PIK3C3: variants seen among roughly 807,000 people sequenced by gnomAD.
PIK3C3 encodes phosphatidylinositol 3-kinase catalytic subunit type 3.
A neutral mutation model predicts 126.1 loss-of-function variants in PIK3C3; 95 were observed. The observed-to-expected ratio is 0.75, with a 90% CI of 0.64 to 0.89. The LOEUF (loss-of-function observed/expected upper bound fraction) is 0.89, where lower values mean the gene tolerates loss of function less well. Ranked by LOEUF, PIK3C3 falls within the 40% of genes least tolerant of loss-of-function variation. PIK3C3 has a pLI of 0.00. For missense variants in PIK3C3, 829 were observed against 1,063.2 expected (o/e 0.78, Z 3.06); for synonymous variants, 374 against 360.0 (o/e 1.04, Z -0.44).
chr18:41,993,972 G>A (rs930526372), intron 7 of PIK3C3, among the ~76,000 whole-genome samples: 6 of 152,204 alleles, frequency 3.9e-5, no homozygotes, highest in Admixed American at 2.6e-4. Context: ...TTAGCAGCAC[G>A]ATAGTTACCA....
chr18:41,970,699 C>T (rs1013989897), intron 4 of PIK3C3: 2 of 595,324 alleles, frequency 3.4e-6, no homozygotes. Flanking sequence ...AGAATTTTTT[C>T]ATCACCCCTA....
chr18:42,036,929 A>G (rs1984080677), intron 16 of PIK3C3, among the ~76,000 whole-genome samples: 1 of 152,230 alleles, frequency 6.6e-6, no homozygotes, highest in African/African-American at 2.4e-5. Flanking sequence ...GTCATGCATT[A>G]CAGTCAAAAC....
At chr18:42,015,442 T>G (rs1983028708) in intron 11 of PIK3C3, 34 bp from the exon 12 acceptor site, 1 of 1,519,986 alleles carries the variant, frequency 6.6e-7, no homozygotes, top group Non-Finnish European at 9.1e-7. Context: ...CAGAGTATTT[T>G]ACATCTCAGT....
At chr18:42,056,557 C>T (rs931770005) in intron 21 of PIK3C3, among the ~76,000 whole-genome samples, 1 of 151,868 alleles carries the variant, frequency 6.6e-6, no homozygotes, top group Non-Finnish European at 1.5e-5. Flanking sequence ...TTAAATAAAA[C>T]CAAGGAAAAT....
At position 41,966,412 on chromosome 18, in the gene PIK3C3, C is replaced by T. The variant is rs984532184; in HGVS notation, c.401+3780C>T. Reference sequence around the variant, plus strand: ...CTTGAGCTCCTGACCTCAGCTGATCCGCCTGCCTCGCCCTCCCAAAGTGTT... The same window carrying T: ...CTTGAGCTCCTGACCTCAGCTGATCTGCCTGCCTCGCCCTCCCAAAGTGTT... On this transcript the variant is annotated intron_variant, in intron 3 of 24. Coordinates refer to ENST00000262039, the MANE Select transcript of PIK3C3 (RefSeq NM_002647.4). Among the ~76,000 whole-genome samples, 6 of 152,032 alleles carry T rather than the reference C, an allele frequency of 3.9e-5. No individual in the cohort carries two copies. The South Asian group carries it at 1.0e-3, about 26-fold the overall frequency.
At chr18:42,011,910 G>A (rs975784900) in intron 10 of PIK3C3, among the ~76,000 whole-genome samples, 1 of 152,066 alleles carries the variant, frequency 6.6e-6, no homozygotes, top group East Asian at 1.9e-4. Context: ...ACAGGGAAAC[G>A]GCTGGTTGTT....
chr18:42,044,943 G>A (rs867506485), intron 20 of PIK3C3, among the ~76,000 whole-genome samples: 1 of 152,080 alleles, frequency 6.6e-6, no homozygotes, highest in African/African-American at 2.4e-5. Flanking sequence ...ATTTAAACTT[G>A]CATATTATTT....
At chr18:42,025,104 G>A (rs980955919) in intron 13 of PIK3C3, among the ~76,000 whole-genome samples, 3 of 151,996 alleles carry the variant, frequency 2.0e-5, no homozygotes, top group Non-Finnish European at 4.4e-5. Flanking sequence ...GAGCCACCAC[G>A]CCCGGCCAAC....
chr18:42,069,355 A>G (rs1985680996), intron 24 of PIK3C3, among the ~76,000 whole-genome samples: 1 of 152,170 alleles, frequency 6.6e-6, no homozygotes, highest in African/African-American at 2.4e-5. Flanking sequence ...GTATAGGGGG[A>G]AAAAGGCCAG....
chr18:41,990,777 A>G (rs1173128080), intron 6 of PIK3C3, among the ~76,000 whole-genome samples: 1 of 152,214 alleles, frequency 6.6e-6, no homozygotes, highest in Non-Finnish European at 1.5e-5. Flanking sequence ...GAATTCAATA[A>G]GTATGCAAGT....
chr18:42,002,651 A>T (rs1982343052), intron 9 of PIK3C3, among the ~76,000 whole-genome samples: 1 of 152,204 alleles, frequency 6.6e-6, no homozygotes. Flanking sequence ...TCACTTAAGT[A>T]AATATTGGGT....
intron 1 of PIK3C3, among the ~76,000 whole-genome samples, chr18:41,957,134 A>G (rs1362704649): frequency 6.6e-6 from 1 of 152,186 alleles, no homozygotes; most frequent in Admixed American, 6.5e-5. Context: ...TGTATTGCTT[A>G]TCTTTTCTTT....
At chr18:42,062,320 A>G (rs1462627153) in intron 22 of PIK3C3, among the ~76,000 whole-genome samples, 1 of 151,258 alleles carries the variant, frequency 6.6e-6, no homozygotes, top group African/African-American at 2.4e-5. Flanking sequence ...CAAGTGGATC[A>G]TCTCTATTTC....
intron 3 of PIK3C3, among the ~76,000 whole-genome samples, chr18:41,967,173 T>C (rs1255533666): frequency 6.6e-6 from 1 of 152,170 alleles, no homozygotes; most frequent in Non-Finnish European, 1.5e-5. Context: ...TGAAAGATGA[T>C]GTTCAGGATG....
rs1405290077 is a variant in PIK3C3 at position 42,064,755 on chromosome 18, T to G, written c.2448T>G (p.Ile816Met). The G allele has an allele frequency of 6.3e-7, 1 of 1,588,638 alleles. No individual in the cohort carries two copies. The highest frequency in any genetic ancestry group is 8.6e-7 in the Non-Finnish European group (1 of 1,157,288). Reference protein sequence around the residue: ...FLHLRRYSNLILNLFSLMVDA... With the variant: ...FLHLRRYSNLMLNLFSLMVDA... ...TCTTCTTTAGGTATTCTAATCTGATTTTGAACTTGTTTTCCTTGATGGTTG... is the reference window on the plus strand; with the variant it reads ...TCTTCTTTAGGTATTCTAATCTGATGTTGAACTTGTTTTCCTTGATGGTTG... The change falls in exon 23 of 25, where the codon ATT becomes ATG. Residue 816 changes from isoleucine (I) to methionine (M), a missense_variant. By Grantham distance (10) the Ile-to-Met change is conservative. Transcript: ENST00000262039.
At chr18:41,957,179 T>A (rs1189782481) in intron 1 of PIK3C3, among the ~76,000 whole-genome samples, 1 of 152,196 alleles carries the variant, frequency 6.6e-6, no homozygotes, top group East Asian at 1.9e-4. Flanking sequence ...GGTAAATGTT[T>A]CCTGAAAGAA....
chr18:41,965,373 A>G (rs762740912), intron 3 of PIK3C3, among the ~76,000 whole-genome samples: 13 of 152,216 alleles, frequency 8.5e-5, no homozygotes, highest in Admixed American at 3.3e-4. Context: ...TGAAATTTCC[A>G]CAGATGCAGT....
chr18:41,999,921 A>G (rs1280796839), intron 9 of PIK3C3, among the ~76,000 whole-genome samples: 1 of 152,162 alleles, frequency 6.6e-6, no homozygotes, highest in Non-Finnish European at 1.5e-5. Context: ...ACAGTTTTGC[A>G]TGAATGGTTA....
chr18:42,052,865 A>G (rs1018331203), intron 21 of PIK3C3: 1 of 152,206 alleles, frequency 6.6e-6, no homozygotes, highest in African/African-American at 2.4e-5. Flanking sequence ...GTTCTCTTAC[A>G]TAACTGTCCA....
Sources: gnomAD v4.1 joint callset for allele counts (sites outside exome capture counted in the v4.1 genomes callset) on GRCh38, gnomAD v4.1.1 for gene constraint, MANE v1.5 for transcripts, NCBI Gene and HGNC (gene_info 2026-07-23, HGNC 2026-07-21) for gene names.